Variants in TBC1D19 observed in about 807,000 individuals in gnomAD.
TBC1D19 encodes the protein TBC1 domain family, member 19.
A neutral mutation model predicts 89.0 loss-of-function variants in TBC1D19; 60 were observed. The observed-to-expected ratio is 0.67, with a 90% CI of 0.55 to 0.84. The LOEUF (loss-of-function observed/expected upper bound fraction) is 0.84, where lower values mean the gene tolerates loss of function less well. Among genes scored for constraint, TBC1D19 ranks in the 40% least tolerant of loss-of-function variants. The pLI is 0.00. For missense variants in TBC1D19, 500 were observed against 610.8 expected (o/e 0.82, Z 1.91); for synonymous variants, 189 against 199.7 (o/e 0.95, Z 0.45).
intron 6 of TBC1D19, 30 bp downstream of exon 6, chr4:26,638,864 A>G (rs766913326): frequency 6.5e-7 from 1 of 1,530,350 alleles, no homozygotes; most frequent in Admixed American, 1.9e-5. Context: ...TGAATGTAGT[A>G]GTGGAAAAAT....
rs76830033 is a variant in TBC1D19 at position 26,619,804 on chromosome 4, T to C, written c.219-809T>C. 5.8e-3 allele frequency among the ~76,000 whole-genome samples: 883 copies of C among 152,326 alleles called. 3 individuals are homozygous for C. The highest frequency in any genetic ancestry group is 0.023 in the South Asian group (112 of 4,826). The stretch of plus-strand genomic sequence containing the variant: ...CAATGTTTCTATGGACAGTTTAGCC[T>C]TTTACATGTAGGCTCCAGGACAGAT... On this transcript the variant is annotated intron_variant, in intron 3 of 20. Transcript: ENST00000264866.
At chr4:26,774,699 A>T in the TBC1D19 span, among the ~76,000 whole-genome samples, 1 of 152,336 alleles carries the variant, frequency 6.6e-6, no homozygotes, top group South Asian at 2.1e-4. Context: ...TTTTTTGTAG[A>T]TTATCTAATA....
At chr4:26,590,693 G>T (rs960692531) in intron 1 of TBC1D19, among the ~76,000 whole-genome samples, 2 of 149,126 alleles carry the variant, frequency 1.3e-5, no homozygotes, top group Non-Finnish European at 3.0e-5. Flanking sequence ...TTAACATCTT[G>T]CATTAGTGTG....
intron 13 of TBC1D19, among the ~76,000 whole-genome samples, chr4:26,710,279 G>A (rs575978546): frequency 6.6e-6 from 1 of 152,200 alleles, no homozygotes; most frequent in African/African-American, 2.4e-5. Context: ...AGAACATGCG[G>A]TGTTTGGTTT....
chr4:26,742,603 A>G lies in TBC1D19; in HGVS notation c.1319+4A>G. 6.2e-7 allele frequency: 1 copy of G among 1,609,210 alleles called. No individual in the cohort carries two copies. The highest frequency in any genetic ancestry group is 8.5e-7 in the Non-Finnish European group (1 of 1,177,004). On this transcript the variant is annotated splice_donor_region_variant and intron_variant, in intron 18 of 20. Coordinates refer to ENST00000264866, the MANE Select transcript of TBC1D19 (RefSeq NM_018317.4). ...TACGAGAAATTGGGGCTCAACCGTG[A>G]GTACTTTTCTCTCCTAATTGAAGAA... is the stretch of plus-strand genomic sequence containing the variant.
chr4:26,595,197 G>GTATCCT (rs954573971), intron 1 of TBC1D19, among the ~76,000 whole-genome samples: 3 of 152,142 alleles, frequency 2.0e-5, no homozygotes, highest in African/African-American at 4.8e-5. Flanking sequence ...ATGATATTAA[G>GTATCCT]TATCCTTTTA....
At chr4:26,788,221 G>T in the TBC1D19 span, among the ~76,000 whole-genome samples, 4 of 152,080 alleles carry the variant, frequency 2.6e-5, no homozygotes, top group Admixed American at 1.3e-4. Flanking sequence ...AACCACACAG[G>T]GGGGCTGACA....
intron 8 of TBC1D19, among the ~76,000 whole-genome samples, chr4:26,664,678 C>A (rs1711621915): frequency 6.7e-6 from 1 of 149,196 alleles, no homozygotes; most frequent in Non-Finnish European, 1.5e-5. Flanking sequence ...GAAAACAGAG[C>A]TCCCACACAA....
At chr4:26,809,208 C>T in the TBC1D19 span, among the ~76,000 whole-genome samples, 5 of 152,310 alleles carry the variant, frequency 3.3e-5, no homozygotes, top group Middle Eastern at 6.8e-3. Context: ...TCTTCTCCAT[C>T]TGCCCCTCCA....
the TBC1D19 span, among the ~76,000 whole-genome samples, chr4:26,816,299 C>T: frequency 1.3e-5 from 2 of 152,146 alleles, no homozygotes; most frequent in African/African-American, 4.8e-5. Context: ...TGTGATTTGC[C>T]TGTCTCCTCC....
At chr4:26,745,732 G>A (rs562250476) in intron 18 of TBC1D19, among the ~76,000 whole-genome samples, 18 of 151,324 alleles carry the variant, frequency 1.2e-4, no homozygotes, top group African/African-American at 3.9e-4. Context: ...GACTGGTCTC[G>A]GACTCCTGAC....
the TBC1D19 span, among the ~76,000 whole-genome samples, chr4:26,805,567 C>T: frequency 2.0e-5 from 3 of 152,194 alleles, no homozygotes; most frequent in Non-Finnish European, 2.9e-5. Context: ...AACGTGAGTG[C>T]TTTCTCGTTC....
the TBC1D19 span, among the ~76,000 whole-genome samples, chr4:26,824,376 T>C: frequency 6.6e-6 from 1 of 152,248 alleles, no homozygotes; most frequent in Non-Finnish European, 1.5e-5. Context: ...AACACAGATA[T>C]GAAGTATCTT....
the TBC1D19 span, among the ~76,000 whole-genome samples, chr4:26,796,283 A>G: frequency 1.3e-5 from 2 of 152,222 alleles, no homozygotes; most frequent in East Asian, 1.9e-4. Flanking sequence ...CAAATTGCCC[A>G]GGGCTTATGC....
intron 17 of TBC1D19, among the ~76,000 whole-genome samples, chr4:26,741,170 C>A (rs956306558): frequency 1.3e-5 from 2 of 151,902 alleles, no homozygotes; most frequent in Non-Finnish European, 2.9e-5. Flanking sequence ...TCCTGGCTAA[C>A]AAGGTGAAAC....
intron 7 of TBC1D19, among the ~76,000 whole-genome samples, chr4:26,655,339 A>C (rs1298038927): frequency 1.3e-5 from 2 of 152,222 alleles, no homozygotes; most frequent in African/African-American, 4.8e-5. Flanking sequence ...TTGAGGAGGC[A>C]GTCTATCCGT....
chr4:26,793,485 A>G, the TBC1D19 span, among the ~76,000 whole-genome samples: 3 of 152,094 alleles, frequency 2.0e-5, no homozygotes, highest in Non-Finnish European at 2.9e-5. Flanking sequence ...AGCACTTTGG[A>G]AGGCCAAGGC....
intron 5 of TBC1D19, among the ~76,000 whole-genome samples, chr4:26,638,515 G>A (rs775604206): frequency 6.6e-6 from 1 of 152,008 alleles, no homozygotes; most frequent in Non-Finnish European, 1.5e-5. Context: ...GAAATTTACT[G>A]GCCAGTACAG....
chr4:26,664,072 A>C (rs1711571616), intron 8 of TBC1D19, among the ~76,000 whole-genome samples: 1 of 152,198 alleles, frequency 6.6e-6, no homozygotes, highest in Admixed American at 6.5e-5. Flanking sequence ...GTAGTAAAGC[A>C]GAGTGCAAAT....
Sources: gnomAD v4.1 joint callset for allele counts (sites outside exome capture counted in the v4.1 genomes callset) on GRCh38, gnomAD v4.1.1 for gene constraint, MANE v1.5 for transcripts, NCBI Gene and HGNC (gene_info 2026-07-23, HGNC 2026-07-21) for gene names.